The following SLC8A1 variants were observed in gnomAD, a reference collection of about 807,000 sequenced individuals.
SLC8A1 encodes sodium/calcium exchanger 1.
In SLC8A1, 18 loss-of-function variants were observed where a neutral mutation model predicts 68.3. That is an observed-to-expected ratio of 0.26 (90% CI 0.18 to 0.39). The LOEUF (loss-of-function observed/expected upper bound fraction) is 0.39, where lower values mean the gene tolerates loss of function less well. SLC8A1 is among the 10% of genes least tolerant of loss of function. The pLI, the probability that SLC8A1 is intolerant of heterozygous loss-of-function variation, is 1.00. For synonymous variants in SLC8A1, 475 were observed against 415.5 expected (o/e 1.14, Z -1.74); for missense variants, 985 against 1,156.7 (o/e 0.85, Z 2.15).
At chr2:40,438,946 G>C (rs779855359) in intron 1 of SLC8A1, among the ~76,000 whole-genome samples, 1 of 152,126 alleles carries the variant, frequency 6.6e-6, no homozygotes, top group Non-Finnish European at 1.5e-5. Context: ...CAGACTGGAA[G>C]TGCGTGTCTG....
intron 2 of SLC8A1, among the ~76,000 whole-genome samples, chr2:40,191,635 T>C (rs1467839050): frequency 6.6e-6 from 1 of 152,186 alleles, no homozygotes. Context: ...TTTAACAAAA[T>C]TGAACCACTG....
chr2:40,384,662 A>C (rs1026659927), intron 2 of SLC8A1, among the ~76,000 whole-genome samples: 1 of 152,110 alleles, frequency 6.6e-6, no homozygotes, highest in Non-Finnish European at 1.5e-5. Context: ...GGAATATTTT[A>C]TATTTTTTAT....
chr2:40,122,359 T>C (rs751520893), intron 7 of SLC8A1, among the ~76,000 whole-genome samples: 20 of 151,700 alleles, frequency 1.3e-4, no homozygotes, highest in Non-Finnish European at 2.1e-4. Flanking sequence ...AGATGAGGAG[T>C]TGAAAAAAGG....
At chr2:40,407,903 T>G (rs1690882295) in intron 2 of SLC8A1, among the ~76,000 whole-genome samples, 1 of 152,210 alleles carries the variant, frequency 6.6e-6, no homozygotes, top group African/African-American at 2.4e-5. Context: ...AGGTGACTTT[T>G]CTATCCTGTG....
At chr2:40,328,262 T>TAGACTCCCCA (rs1416886001) in intron 2 of SLC8A1, among the ~76,000 whole-genome samples, 3 of 152,200 alleles carry the variant, frequency 2.0e-5, no homozygotes, top group Non-Finnish European at 2.9e-5. Context: ...CTGGTCCACA[T>TAGACTCCCCA]AGACTCCCCA....
At chr2:40,326,306 T>C (rs1336632084) in intron 2 of SLC8A1, among the ~76,000 whole-genome samples, 1 of 152,152 alleles carries the variant, frequency 6.6e-6, no homozygotes, top group Non-Finnish European at 1.5e-5. Flanking sequence ...TTTGGTACAG[T>C]GCACTATGTA....
intron 1 of SLC8A1, among the ~76,000 whole-genome samples, chr2:40,475,795 T>C (rs1704266691): frequency 6.6e-6 from 1 of 152,004 alleles, no homozygotes; most frequent in East Asian, 1.9e-4. Context: ...AATGACTGGC[T>C]AGGAAAAAAA....
chr2:40,353,754 G>C (rs918153108), intron 2 of SLC8A1, among the ~76,000 whole-genome samples: 2 of 152,108 alleles, frequency 1.3e-5, no homozygotes, highest in African/African-American at 4.8e-5. Flanking sequence ...AGAAACTTGT[G>C]TCCCATTTTC....
intron 2 of SLC8A1, among the ~76,000 whole-genome samples, chr2:40,348,547 T>C (rs1670053420): frequency 6.6e-6 from 1 of 152,162 alleles, no homozygotes; most frequent in Non-Finnish European, 1.5e-5. Flanking sequence ...GACACAAATA[T>C]AATGCATTTT....
exon 8 of SLC8A1, chr2:40,107,376 T>C (rs919599586): frequency 7.9e-5 from 12 of 151,510 alleles, no homozygotes; most frequent in African/African-American, 2.9e-4. Context: ...AAAAATCTCA[T>C]GTTTTTAATT....
intron 1 of SLC8A1, among the ~76,000 whole-genome samples, chr2:40,506,686 C>T (rs1377024642): frequency 6.6e-6 from 1 of 151,530 alleles, no homozygotes; most frequent in Non-Finnish European, 1.5e-5. Context: ...GTTTAAATCT[C>T]TAATCTCATT....
intron 5 of SLC8A1, among the ~76,000 whole-genome samples, chr2:40,164,569 C>T (rs1370087975): frequency 6.6e-6 from 1 of 152,172 alleles, no homozygotes; most frequent in Non-Finnish European, 1.5e-5. Flanking sequence ...ATGTTCCTTG[C>T]TGCCCCTCAG....
rs1558722368 is a variant in SLC8A1 at position 40,200,222 on chromosome 2, T to TATATATATATAAATATATATATATA, written c.1809-22368_1809-22367insTATATATATATATTTATATATATAT. On this transcript the variant is annotated intron_variant, in intron 2 of 7. Transcript: ENST00000406785. Reference sequence around the variant, plus strand: ...TATATATATAAATATATATATATTTTTTTATATATATATATAAATATATAT... The same window carrying TATATATATATAAATATATATATATA: ...TATATATATAAATATATATATATTTTATATATATATAAATATATATATATATTTATATATATATATAAATATATAT... 3.9e-3 allele frequency among the ~76,000 whole-genome samples: 20 copies of TATATATATATAAATATATATATATA among 5,150 alleles called. 1 individual carries two copies. Among genetic ancestry groups the TATATATATATAAATATATATATATA allele is most frequent in the African/African-American group, 7.5e-3 (16 of 2,132 alleles). The allele number at this position is 5,150 out of a possible 152,430, so 3.4% of individuals were successfully genotyped here. A position where few individuals can be genotyped will look rare whatever the true frequency, so the allele number is the denominator to read the frequency against.
chr2:40,398,615 C>G (rs1687739227), intron 2 of SLC8A1, among the ~76,000 whole-genome samples: 1 of 152,104 alleles, frequency 6.6e-6, no homozygotes, highest in African/African-American at 2.4e-5. Context: ...ATAGAATAGT[C>G]AATATGATTT....
intron 2 of SLC8A1, among the ~76,000 whole-genome samples, chr2:40,352,765 G>A (rs1671499043): frequency 6.6e-6 from 1 of 152,152 alleles, no homozygotes; most frequent in Non-Finnish European, 1.5e-5. Context: ...CAAGTTGACT[G>A]CTTTCAGAAG....
At chr2:40,291,235 T>C (rs980570061) in intron 2 of SLC8A1, among the ~76,000 whole-genome samples, 2 of 152,172 alleles carry the variant, frequency 1.3e-5, no homozygotes, top group African/African-American at 4.8e-5. Flanking sequence ...CTTTCCAGTC[T>C]AAAATGTCAA....
chr2:40,277,792 G>GTTTATATA (rs750119043), intron 2 of SLC8A1, among the ~76,000 whole-genome samples: 5 of 92,180 alleles, frequency 5.4e-5, no homozygotes. Flanking sequence ...ATATATATGT[G>GTTTATATA]TGTATATATA....
At chr2:40,292,120 A>C (rs2069441682) in intron 2 of SLC8A1, among the ~76,000 whole-genome samples, 1 of 152,192 alleles carries the variant, frequency 6.6e-6, no homozygotes. Context: ...CAGTGGAAAG[A>C]AATTTTAAAA....
At chr2:40,437,115 AG>A (rs1366032428) in intron 1 of SLC8A1, among the ~76,000 whole-genome samples, 2 of 152,204 alleles carry the variant, frequency 1.3e-5, no homozygotes, top group African/African-American at 2.4e-5. Context: ...TAAGCTGGCT[AG>A]AGTCATATAT....
Sources: allele counts gnomAD v4.1 joint callset (sites outside exome capture counted in the v4.1 genomes callset), GRCh38; gene constraint gnomAD v4.1.1; transcripts MANE v1.5; gene names NCBI Gene and HGNC (gene_info 2026-07-23, HGNC 2026-07-21).